The following ZNF879 variants were observed in gnomAD, a reference collection of about 807,000 sequenced individuals.
ZNF879 encodes zinc finger protein 879.
In ZNF879, 32 loss-of-function variants were observed where a neutral mutation model predicts 44.3. The observed-to-expected ratio is 0.72, with a 90% confidence interval of 0.54 to 0.97. ZNF879 has a LOEUF of 0.97. ZNF879 is among the 50% of genes least tolerant of loss of function. The probability of loss-of-function intolerance (pLI) is 0.00; values close to 1 mark genes in which losing one functional copy is unlikely to be tolerated. For missense variants in ZNF879, 621 were observed against 669.7 expected, an observed-to-expected ratio of 0.93 and a Z score of 0.80; for synonymous variants, 234 against 233.2, an observed-to-expected ratio of 1.00 and a Z score of -0.03.
At position 179,028,029 on chromosome 5, in the gene ZNF879, C is replaced by T. The variant is rs1561734245; in HGVS notation, c.161-3C>T. ...CTCACGTTTCTTTCTTGTTCATGAA[C>T]AGGGATTCTCTTTTCCAAGCCAAAG... is the stretch of plus-strand genomic sequence containing the variant. On this transcript the variant is annotated splice_polypyrimidine_tract_variant and splice_region_variant and intron_variant, in intron 3 of 4. Transcript: ENST00000444149. 1.3e-6 allele frequency: 2 copies of T among 1,551,456 alleles called. No homozygotes were observed. Among genetic ancestry groups the T allele is most frequent in the Non-Finnish European group, 1.7e-6 (2 of 1,146,850 alleles).
At chr5:179,027,351 A>G in intron 2 of ZNF879, 122 bp from the exon 3 acceptor site, 1 of 1,369,892 alleles carries the variant, frequency 7.3e-7, no homozygotes. Context: ...TGTGCTTGGT[A>G]ACTGAAAAGT....
At chr5:179,024,227 T>G (rs1378804855) in intron 1 of ZNF879, among the ~76,000 whole-genome samples, 1 of 152,230 alleles carries the variant, frequency 6.6e-6, no homozygotes, top group Non-Finnish European at 1.5e-5. Context: ...TCTTAGTGTT[T>G]GTGGGTTTAA....
intron 2 of ZNF879, among the ~76,000 whole-genome samples, chr5:179,025,879 T>C (rs1761253662): frequency 6.6e-6 from 1 of 150,406 alleles, no homozygotes; most frequent in African/African-American, 2.5e-5. Context: ...ATCATGCCAC[T>C]GCACTCCAGC....
intron 1 of ZNF879, chr5:179,024,450 C>A: frequency 6.6e-6 from 1 of 152,358 alleles, no homozygotes; most frequent in Non-Finnish European, 1.5e-5. Flanking sequence ...TTCTTGCGCC[C>A]TTGTTTTTTT....
chr5:179,026,564 C>G (rs1387511347), intron 2 of ZNF879, among the ~76,000 whole-genome samples: 1 of 152,174 alleles, frequency 6.6e-6, no homozygotes, highest in African/African-American at 2.4e-5. Flanking sequence ...GTCACTGCAG[C>G]CTCGACCTCC....
rs1761174516 is a variant in ZNF879 at position 179,023,842 on chromosome 5, T to A, written c.-98T>A. 1 of 152,274 alleles carries A rather than the reference T, an allele frequency of 6.6e-6. No homozygotes were observed. Among genetic ancestry groups the A allele is most frequent in the African/African-American group, 2.4e-5 (1 of 41,476 alleles). The allele number at this position is 152,274 out of a possible 1,614,324, so 9.4% of individuals were successfully genotyped here. A position where few individuals can be genotyped will look rare whatever the true frequency, so the allele number is the denominator to read the frequency against. Reference sequence around the variant, plus strand: ...GCAGCGACGGGAAACGTCTCTGAATTAGGTGTTCCGCTCGCCTCTTGTGCG... The same window carrying A: ...GCAGCGACGGGAAACGTCTCTGAATAAGGTGTTCCGCTCGCCTCTTGTGCG... On this transcript the variant is annotated 5_prime_UTR_variant, in exon 1 of 5. Transcript: ENST00000444149.
intron 2 of ZNF879, among the ~76,000 whole-genome samples, chr5:179,026,975 A>G (rs1273775924): frequency 6.6e-6 from 1 of 152,224 alleles, no homozygotes; most frequent in Non-Finnish European, 1.5e-5. Context: ...TGACACAGCC[A>G]TGCCTGGAAC....
intron 2 of ZNF879, 26 bp downstream of exon 2, chr5:179,025,063 A>G (rs374279064): frequency 1.3e-6 from 2 of 1,551,268 alleles, no homozygotes. Context: ...TTTTTGCTTG[A>G]ACTGCCTTCA....
At position 179,033,014 on chromosome 5, in the gene ZNF879, A is replaced by T; in HGVS notation, c.1066A>T (p.Ile356Leu). ...TCAGTGTGGGAAAGCCTTCACTTCA[A>T]TATCGCGGCTAAGTAGGCACCATCG... Reference protein sequence around the residue: ...CTQCGKAFTSISRLSRHHRIH... With the variant: ...CTQCGKAFTSLSRLSRHHRIH... The change falls in exon 5 of 5, where the codon ATA becomes TTA. Residue 356 changes from isoleucine (I) to leucine (L), a missense_variant. Physicochemically the swap from Ile to Leu is conservative, Grantham distance 5. Transcript: ENST00000444149. 1 of 1,556,632 alleles carries T rather than the reference A, an allele frequency of 6.4e-7. No homozygotes were observed. The highest frequency in any genetic ancestry group is 8.7e-7 in the Non-Finnish European group (1 of 1,150,064).
Position 179,028,016 on chromosome 5 carries a change from T to A in ZNF879, c.161-16T>A. On this transcript the variant is annotated splice_polypyrimidine_tract_variant and intron_variant, in intron 3 of 4. Coordinates refer to ENST00000444149, the MANE Select transcript of ZNF879 (RefSeq NM_001136116.3). ...GCTACGATGGCCGCTCACGTTTCTTTCTTGTTCATGAACAGGGATTCTCTT... is the reference window on the plus strand; with the variant it reads ...GCTACGATGGCCGCTCACGTTTCTTACTTGTTCATGAACAGGGATTCTCTT... 6.4e-7 allele frequency: 1 copy of A among 1,550,916 alleles called. No homozygotes were observed. Among genetic ancestry groups the A allele is most frequent in the Non-Finnish European group, 8.7e-7 (1 of 1,146,388 alleles).
chr5:179,029,472 T>G (rs1187213804), intron 4 of ZNF879, among the ~76,000 whole-genome samples: 1 of 152,194 alleles, frequency 6.6e-6, no homozygotes, highest in Non-Finnish European at 1.5e-5. Flanking sequence ...CAATCAGACA[T>G]CTAGAAAATA....
chr5:179,028,146 G>A lies in ZNF879; in HGVS notation c.256+19G>A. 1 of 1,548,842 alleles carries A rather than the reference G, an allele frequency of 6.5e-7. No individual in the cohort carries two copies. Among genetic ancestry groups the A allele is most frequent in the Non-Finnish European group, 8.7e-7 (1 of 1,144,528 alleles). ...CATCTCGGTGAGTGACAGAGTAATT[G>A]GGAGATGGGCATAACATTTTCCCAC... On this transcript the variant is annotated intron_variant, in intron 4 of 4. Coordinates refer to ENST00000444149, the MANE Select transcript of ZNF879 (RefSeq NM_001136116.3).
intron 2 of ZNF879, among the ~76,000 whole-genome samples, chr5:179,026,952 C>G (rs984418838): frequency 3.9e-5 from 6 of 152,220 alleles, no homozygotes; most frequent in African/African-American, 1.2e-4. Context: ...AGCCCACCAC[C>G]TGGGACCTCT....
At chr5:179,029,856 C>G (rs976122148) in intron 4 of ZNF879, among the ~76,000 whole-genome samples, 2 of 152,188 alleles carry the variant, frequency 1.3e-5, no homozygotes, top group Non-Finnish European at 2.9e-5. Context: ...ATTCAGCCCT[C>G]AGTGAATAGA....
intron 1 of ZNF879, 128 bp from the exon 2 acceptor site, chr5:179,024,842 C>T: frequency 1.5e-6 from 1 of 688,506 alleles, no homozygotes; most frequent in South Asian, 1.9e-5. Flanking sequence ...TAGGGCCCCT[C>T]TGGCCTGGGC....
chr5:179,033,647 C>T lies in ZNF879; in HGVS notation c.*7C>T. On this transcript the variant is annotated 3_prime_UTR_variant, in exon 5 of 5. Transcript: ENST00000444149. The stretch of plus-strand genomic sequence containing the variant: ...TCAAAGGACTCATAATTGAGAAAAA[C>T]TGTATAAATGCATGTAGGAACTGAA... The T allele has an allele frequency of 6.8e-7, 1 of 1,479,680 alleles. No homozygotes were observed. The highest frequency in any genetic ancestry group is 9.0e-7 in the Non-Finnish European group (1 of 1,113,734). 91.7% of individuals were successfully genotyped at this position (1,479,680 alleles called of 1,614,324 possible). A position where few individuals can be genotyped will look rare whatever the true frequency, so the allele number is the denominator to read the frequency against.
At position 179,032,290 on chromosome 5, in the gene ZNF879, C is replaced by G. The variant is rs1761438744; in HGVS notation, c.342C>G (p.Asp114Glu). 6.5e-7 allele frequency: 1 copy of G among 1,546,700 alleles called. No individual in the cohort carries two copies. Among genetic ancestry groups the G allele is most frequent in the African/African-American group, 1.4e-5 (1 of 72,662 alleles). The change falls in exon 5 of 5, where the codon GAC (aspartate) becomes GAG (glutamate). Residue 114 changes from aspartate (D) to glutamate (E), a missense_variant. By Grantham distance (45) the Asp-to-Glu change is conservative. Coordinates refer to ENST00000444149, the MANE Select transcript of ZNF879 (RefSeq NM_001136116.3). ...AACTCATAATTGATGGCACATTTGA[C>G]TTCAAGTTGGAGAAGACCTACATAA... ...MKKLIIDGTF[D>E]FKLEKTYINE...
chr5:179,032,138 G>C (rs1761432567), intron 4 of ZNF879, 67 bp from the exon 5 acceptor site: 1 of 1,158,986 alleles, frequency 8.6e-7, no homozygotes, highest in Non-Finnish European at 1.2e-6. Context: ...AACTATCCTT[G>C]TGCGTTTTTA....
chr5:179,030,387 G>A (rs896885422), intron 4 of ZNF879, among the ~76,000 whole-genome samples: 1 of 152,160 alleles, frequency 6.6e-6, no homozygotes, highest in Non-Finnish European at 1.5e-5. Context: ...TATAACATGA[G>A]GCATCACTGC....
Sources: gnomAD v4.1 joint callset for allele counts (sites outside exome capture counted in the v4.1 genomes callset) on GRCh38, gnomAD v4.1.1 for gene constraint, MANE v1.5 for transcripts, NCBI Gene and HGNC (gene_info 2026-07-23, HGNC 2026-07-21) for gene names.